The following TULP4 variants were observed in gnomAD, a reference collection of about 807,000 sequenced individuals.
The protein encoded by TULP4 is TUB like protein 4.
Under a neutral mutation model 129.0 loss-of-function variants are expected in TULP4, and 16 were observed. The ratio of observed to expected loss-of-function variants is 0.12; its 90% confidence interval spans 0.08 to 0.19. The LOEUF is 0.19. TULP4 is among the 10% of genes least tolerant of loss of function. The pLI is 1.00. For synonymous variants in TULP4, 998 were observed against 854.0 expected (o/e 1.17, Z -2.94); for missense variants, 1,842 against 2,059.1 (o/e 0.89, Z 2.04).
intron 2 of TULP4, among the ~76,000 whole-genome samples, chr6:158,423,681 C>T (rs191972198): frequency 7.1e-4 from 108 of 152,116 alleles, no homozygotes; most frequent in African/African-American, 2.4e-3. Flanking sequence ...CACCCTGCCA[C>T]GCAGGCTGGA....
Position 158,429,609 on chromosome 6 carries a change from CAT to C in TULP4, c.382-124_382-123del, listed in dbSNP as rs1583866582. 6 of 1,034,286 alleles carry C rather than the reference CAT, an allele frequency of 5.8e-6. No individual in the cohort carries two copies. The East Asian group carries it at 1.6e-4, about 27-fold the overall frequency. The allele number at this position is 1,034,286 out of a possible 1,614,324, so 64.1% of individuals were successfully genotyped here. ...TAACGTTTTTATAGCTTTCAAATAA[CAT>C]ATGTTATATTTTAAGGCCATCTCCA... On this transcript the variant is annotated intron_variant, in intron 2 of 13. Coordinates refer to ENST00000367097, the MANE Select transcript of TULP4 (RefSeq NM_020245.5).
At chr6:158,335,644 G>A (rs1340308812) in intron 1 of TULP4, among the ~76,000 whole-genome samples, 3 of 152,126 alleles carry the variant, frequency 2.0e-5, no homozygotes, top group African/African-American at 7.2e-5. Context: ...AGATGTGTGT[G>A]GTGTATATTT....
rs1320039649 is a variant in TULP4, at chr6:158,237,347, C to T, written n.68+5044C>T. 7 of 1,612,380 alleles carry T rather than the reference C, an allele frequency of 4.3e-6. No individual in the cohort carries two copies. In the East Asian group the frequency reaches 1.6e-4, roughly 36 times the overall value. ...CAAGAATATTCTCATCACCAGCCAC[C>T]TTTTCCACCTTTCTTCTTTTTCTGT... is the stretch of plus-strand genomic sequence containing the variant. On this transcript the variant is annotated intron_variant and non_coding_transcript_variant, in intron 1 of 1. Coordinates refer to the TULP4 transcript ENST00000620026.
In TULP4 at chr6:158,461,734, G is replaced by A. The variant is rs973655308; in HGVS notation, c.1026+5G>A. 2 of 1,612,088 alleles carry A rather than the reference G, an allele frequency of 1.2e-6. No individual in the cohort carries two copies. Among genetic ancestry groups the A allele is most frequent in the Non-Finnish European group, 1.7e-6 (2 of 1,179,042 alleles). ...ACACTGGACACTCTCGTGCAGGTAAGGATGTTCTCTGGAAACAAGTACATT... is the reference window on the plus strand; with the variant it reads ...ACACTGGACACTCTCGTGCAGGTAAAGATGTTCTCTGGAAACAAGTACATT... On this transcript the variant is annotated splice_donor_5th_base_variant and intron_variant, in intron 6 of 13. Coordinates refer to ENST00000367097, the MANE Select transcript of TULP4 (RefSeq NM_020245.5).
At chr6:158,316,297 T>C (rs1427260081) in intron 1 of TULP4, among the ~76,000 whole-genome samples, 1 of 152,240 alleles carries the variant, frequency 6.6e-6, no homozygotes, top group Non-Finnish European at 1.5e-5. Context: ...AATTTCTAAG[T>C]CATAGTGTTG....
chr6:158,368,609 C>T (rs1057498983), intron 1 of TULP4, among the ~76,000 whole-genome samples: 1 of 152,114 alleles, frequency 6.6e-6, no homozygotes, highest in Non-Finnish European at 1.5e-5. Context: ...AGCTTCAGCC[C>T]CTGGATTGAC....
At chr6:158,365,445 GT>G (rs572711009) in intron 1 of TULP4, among the ~76,000 whole-genome samples, 25 of 143,360 alleles carry the variant, frequency 1.7e-4, no homozygotes, top group African/African-American at 3.3e-4. Context: ...CTCTTTGGAA[GT>G]TTTTTTTTTC....
chr6:158,506,879 T>G lies in TULP4; in HGVS notation c.*185T>G. 1 of 585,008 alleles carries G rather than the reference T, an allele frequency of 1.7e-6. No homozygotes were observed. Among genetic ancestry groups the G allele is most frequent in the Non-Finnish European group, 3.0e-6 (1 of 328,056 alleles). The allele number at this position is 585,008 out of a possible 1,614,324, so 36.2% of individuals were successfully genotyped here. Reference sequence around the variant, plus strand: ...TCGTCATTTATTTGGTTGGGTTTTATTACCTTTTATTGTCTGTTCTTCTTT... The same window carrying G: ...TCGTCATTTATTTGGTTGGGTTTTAGTACCTTTTATTGTCTGTTCTTCTTT... On this transcript the variant is annotated 3_prime_UTR_variant, in exon 14 of 14. Transcript: ENST00000367097.
chr6:158,499,014 G>A (rs2128261182), intron 12 of TULP4, among the ~76,000 whole-genome samples: 1 of 152,362 alleles, frequency 6.6e-6, no homozygotes, highest in East Asian at 1.9e-4. Flanking sequence ...CAGGAGGGGA[G>A]CTGCTGGAGC....
intron 1 of TULP4, among the ~76,000 whole-genome samples, chr6:158,300,390 G>A (rs1217676928): frequency 6.6e-6 from 1 of 152,168 alleles, no homozygotes; most frequent in African/African-American, 2.4e-5. Context: ...AGTAAACAAT[G>A]CTAAATGTAA....
At chr6:158,289,006 G>A (rs1368318993) in intron 1 of TULP4, among the ~76,000 whole-genome samples, 2 of 152,110 alleles carry the variant, frequency 1.3e-5, no homozygotes, top group East Asian at 1.9e-4. Context: ...ACTGCTGTAG[G>A]CTATTCCTGA....
At chr6:158,340,790 C>T (rs1780162649) in intron 1 of TULP4, among the ~76,000 whole-genome samples, 1 of 152,154 alleles carries the variant, frequency 6.6e-6, no homozygotes, top group African/African-American at 2.4e-5. Context: ...AACTTACTGC[C>T]TTCTGTTATT....
intron 1 of TULP4, among the ~76,000 whole-genome samples, chr6:158,236,178 C>T (rs189870802): frequency 6.6e-6 from 1 of 152,266 alleles, no homozygotes. Context: ...TAATAGAATT[C>T]CAGTATGGGA....
intron 2 of TULP4, among the ~76,000 whole-genome samples, chr6:158,414,438 C>T (rs1352048861): frequency 1.1e-5 from 1 of 91,270 alleles, no homozygotes; most frequent in Non-Finnish European, 3.4e-5. Context: ...CAGAGGATTA[C>T]ATAAGACTGT....
intron 7 of TULP4, 141 bp from the exon 8 acceptor site, chr6:158,480,914 A>G: frequency 3.0e-6 from 2 of 669,906 alleles, no homozygotes; most frequent in Non-Finnish European, 2.5e-6. Flanking sequence ...CCACATAGTT[A>G]CCCTCTTCCC....
At chr6:158,373,492 G>A (rs761414354) in intron 1 of TULP4, among the ~76,000 whole-genome samples, 3 of 152,204 alleles carry the variant, frequency 2.0e-5, no homozygotes, top group Non-Finnish European at 2.9e-5. Context: ...CGTCGTCATC[G>A]TGGATGGCTT....
rs74608225 is a variant in TULP4 at position 158,504,006 on chromosome 6, G to A, written c.4343G>A (p.Arg1448Gln). ...GGCGAGCTGGAGGAGGCCAAGTGCC[G>A]GCGGGCCAGTGAGAAGGAGGACGGG... ...AAGELEEAKC[R>Q]RASEKEDGRL... The change falls in exon 13 of 14, where the codon CGG (arginine) becomes CAG (glutamine). Residue 1448 changes from arginine to glutamine, a missense_variant. By Grantham distance (43) the Arg-to-Gln change is conservative. Transcript: ENST00000367097. 325 of 1,612,460 alleles carry A rather than the reference G, an allele frequency of 2.0e-4. No homozygotes were observed. The highest frequency in any genetic ancestry group is 2.5e-4 in the Non-Finnish European group (291 of 1,179,376).
intron 1 of TULP4, among the ~76,000 whole-genome samples, chr6:158,363,458 AG>A (rs1368378443): frequency 3.3e-5 from 5 of 152,074 alleles, no homozygotes; most frequent in Non-Finnish European, 7.4e-5. Context: ...TGTAAGTTGA[AG>A]GTATGATAGT....
At chr6:158,373,319 C>T (rs1777112164) in intron 1 of TULP4, among the ~76,000 whole-genome samples, 1 of 152,210 alleles carries the variant, frequency 6.6e-6, no homozygotes, top group Non-Finnish European at 1.5e-5. Flanking sequence ...AAGTGACTTG[C>T]TCCCACTGCA....
Sources: gnomAD v4.1 joint callset for allele counts (sites outside exome capture counted in the v4.1 genomes callset) on GRCh38, gnomAD v4.1.1 for gene constraint, MANE v1.5 for transcripts, NCBI Gene and HGNC (gene_info 2026-07-23, HGNC 2026-07-21) for gene names.